The following TNFAIP6 variants were observed in gnomAD, a reference collection of about 807,000 sequenced individuals.
TNFAIP6 encodes the protein tumor necrosis factor-inducible gene 6 protein.
A neutral mutation model predicts 33.7 loss-of-function variants in TNFAIP6; 36 were observed. The ratio of observed to expected loss-of-function variants is 1.07; its 90% CI spans 0.82 to 1.41. TNFAIP6 has a LOEUF of 1.41. TNFAIP6 is among the 40% of genes most tolerant of loss of function. The probability of loss-of-function intolerance (pLI) is 0.00; values close to 1 mark genes in which losing one functional copy is unlikely to be tolerated. For synonymous variants in TNFAIP6, 113 were observed against 112.8 expected (o/e 1.00, Z -0.01); for missense variants, 273 against 331.9 (o/e 0.82, Z 1.38).
chr2:151,375,208 A>C (rs1684884318), intron 5 of TNFAIP6, among the ~76,000 whole-genome samples: 1 of 151,882 alleles, frequency 6.6e-6, no homozygotes, highest in African/African-American at 2.4e-5. Flanking sequence ...AATGTAATCA[A>C]ATCAGTGGTG....
At chr2:151,372,111 G>C (rs958142570) in intron 4 of TNFAIP6, 9 of 152,204 alleles carry the variant, frequency 5.9e-5, no homozygotes, top group African/African-American at 1.9e-4. Context: ...TCCACACTAA[G>C]AGCAGCATCA....
intron 5 of TNFAIP6, 185 bp downstream of exon 5, chr2:151,373,774 C>T (rs1684854468): frequency 2.9e-6 from 1 of 342,592 alleles, no homozygotes; most frequent in East Asian, 4.3e-5. Context: ...AAGATTTATG[C>T]CAACTGCTTG....
intron 1 of TNFAIP6, among the ~76,000 whole-genome samples, chr2:151,361,139 G>T (rs955332821): frequency 2.0e-5 from 3 of 152,170 alleles, no homozygotes; most frequent in Admixed American, 6.5e-5. Flanking sequence ...GTTGTGGCAT[G>T]ATCTCTGCTC....
chr2:151,380,782 T>C (rs1188796035), downstream of TNFAIP6, among the ~76,000 whole-genome samples: 1 of 152,210 alleles, frequency 6.6e-6, no homozygotes, highest in African/African-American at 2.4e-5. Context: ...GAAGGTCAGA[T>C]AAACAACTAA....
rs147620472 is a variant in TNFAIP6 at position 151,365,481 on chromosome 2, A to C, written c.233-575A>C. ...TGGAGAAACCCCATCTCTACTAAAA[A>C]TACAAAAATTAGCTGGGCATGGTGG... is the stretch of plus-strand genomic sequence containing the variant. On this transcript the variant is annotated intron_variant, in intron 2 of 5. Transcript: ENST00000243347. 2.7e-4 allele frequency among the ~76,000 whole-genome samples: 41 copies of C among 152,150 alleles called. No homozygotes were observed. In the South Asian group the frequency reaches 4.3e-3, roughly 16 times the overall value.
intron 3 of TNFAIP6, 32 bp downstream of exon 3, chr2:151,366,249 A>C (rs201395454): frequency 6.6e-5 from 106 of 1,602,318 alleles, no homozygotes; most frequent in Non-Finnish European, 5.7e-5. Context: ...TATGTTTTGC[A>C]AAAACAGTTC....
intron 5 of TNFAIP6, 43 bp from the exon 6 acceptor site, chr2:151,379,318 AAAG>A (rs766883409): frequency 3.9e-6 from 6 of 1,529,416 alleles, no homozygotes; most frequent in Non-Finnish European, 4.4e-6. Context: ...CAGCCAAATC[AAAG>A]GAGAGTAACA....
At chr2:151,375,125 CAAA>C (rs71403161) in intron 5 of TNFAIP6, among the ~76,000 whole-genome samples, 103 of 78,902 alleles carry the variant, frequency 1.3e-3, no homozygotes, top group Middle Eastern at 8.8e-3. Context: ...AACTCCGTCT[CAAA>C]AAAAAAAAAA....
intron 1 of TNFAIP6, among the ~76,000 whole-genome samples, chr2:151,358,595 T>C (rs113569609): frequency 1.3e-3 from 192 of 152,316 alleles, no homozygotes; most frequent in African/African-American, 4.5e-3. Context: ...TGGGGAAAAA[T>C]GCATAGATTC....
intron 2 of TNFAIP6, 71 bp from the exon 3 acceptor site, chr2:151,365,985 T>G (rs1229298494): frequency 1.5e-5 from 23 of 1,485,070 alleles, no homozygotes; most frequent in Middle Eastern, 1.8e-4. Flanking sequence ...AGTGGCTATC[T>G]TTGCTAAGAT....
chr2:151,380,091 A>G (rs1684987568), downstream of TNFAIP6: 1 of 152,194 alleles, frequency 6.6e-6, no homozygotes, highest in African/African-American at 2.4e-5. Flanking sequence ...GGACCTGGAA[A>G]TAGAATTACT....
At chr2:151,362,657 A>G (rs993854050) in intron 1 of TNFAIP6, among the ~76,000 whole-genome samples, 4 of 151,392 alleles carry the variant, frequency 2.6e-5, no homozygotes, top group African/African-American at 9.7e-5. Flanking sequence ...CGCCTGGCTA[A>G]TTTTTTGTAT....
At chr2:151,360,035 C>T (rs1684599587) in intron 1 of TNFAIP6, among the ~76,000 whole-genome samples, 1 of 152,166 alleles carries the variant, frequency 6.6e-6, no homozygotes, top group African/African-American at 2.4e-5. Context: ...GTGGTTCACA[C>T]CTGTAATCCT....
At chr2:151,364,804 TAA>T (rs1482694349) in intron 2 of TNFAIP6, among the ~76,000 whole-genome samples, 3 of 152,038 alleles carry the variant, frequency 2.0e-5, no homozygotes. Context: ...AGAAAAAAAA[TAA>T]GAGTGTTTTC....
chr2:151,375,269 A>G (rs1684886056), intron 5 of TNFAIP6, among the ~76,000 whole-genome samples: 1 of 152,098 alleles, frequency 6.6e-6, no homozygotes, highest in African/African-American at 2.4e-5. Context: ...AACCCACACA[A>G]TTTATCATTC....
intron 5 of TNFAIP6, among the ~76,000 whole-genome samples, chr2:151,374,975 A>C (rs1279192433): frequency 1.3e-5 from 2 of 152,052 alleles, no homozygotes; most frequent in African/African-American, 4.8e-5. Context: ...GAAATACAAA[A>C]TTAGCCAGGC....
At chr2:151,358,973 A>T (rs1380484416) in intron 1 of TNFAIP6, among the ~76,000 whole-genome samples, 2 of 152,242 alleles carry the variant, frequency 1.3e-5, no homozygotes, top group African/African-American at 4.8e-5. Context: ...ATCCAGGCAG[A>T]TAAACTTTGA....
At chr2:151,371,833 G>T (rs943305161) in intron 4 of TNFAIP6, among the ~76,000 whole-genome samples, 1 of 152,138 alleles carries the variant, frequency 6.6e-6, no homozygotes, top group Non-Finnish European at 1.5e-5. Flanking sequence ...GACTTCAGGT[G>T]ATCCACCCGC....
Position 151,370,149 on chromosome 2 carries a change from T to C in TNFAIP6, c.524T>C (p.Leu175Pro). The C allele has an allele frequency of 6.2e-7, 1 of 1,614,146 alleles. No homozygotes were observed. The highest frequency in any genetic ancestry group is 1.1e-5 in the South Asian group (1 of 91,088). The change falls in exon 4 of 6, where the codon CTG becomes CCG. Residue 175 changes from leucine to proline, a missense_variant. Transcript: ENST00000243347. ...CTCAAGTATGGTCAGCGTATTCACCTGAGTTTTTTAGATTTTGACCTTGAA... is the reference window on the plus strand; with the variant it reads ...CTCAAGTATGGTCAGCGTATTCACCCGAGTTTTTTAGATTTTGACCTTGAA... Reference protein sequence around the residue: ...IRLKYGQRIHLSFLDFDLEDD... With the variant: ...IRLKYGQRIHPSFLDFDLEDD...
Sources: allele counts gnomAD v4.1 joint callset (sites outside exome capture counted in the v4.1 genomes callset), GRCh38; gene constraint gnomAD v4.1.1; transcripts MANE v1.5; gene names NCBI Gene and HGNC (gene_info 2026-07-23, HGNC 2026-07-21).